Variants in SH3BP4 observed in about 807,000 individuals in gnomAD.
SH3BP4 encodes SH3 domain-binding protein 4.
SH3BP4 carries 33 observed loss-of-function variants against 65.5 expected under a neutral mutation model. The observed-to-expected ratio is 0.50, with a 90% CI of 0.38 to 0.67. The LOEUF (loss-of-function observed/expected upper bound fraction) is 0.67, where lower values mean the gene tolerates loss of function less well. Among genes scored for constraint, SH3BP4 ranks in the 30% least tolerant of loss-of-function variants. SH3BP4 has a pLI of 0.00. For synonymous variants in SH3BP4, 552 were observed against 545.5 expected, an observed-to-expected ratio of 1.01 and a Z score of -0.17; for missense variants, 1,134 against 1,261.4, an observed-to-expected ratio of 0.90 and a Z score of 1.53.
rs544503885 is a variant in SH3BP4, at chr2:235,041,852, C to T, written c.1083C>T (p.Asp361=). 6.8e-6 allele frequency: 11 copies of T among 1,605,882 alleles called. 1 individual carries two copies. In the South Asian group the frequency reaches 8.9e-5, roughly 13 times the overall value. The change falls in exon 4 of 6, where the codon GAC becomes GAT. Residue 361 remains aspartate, a synonymous_variant. Coordinates refer to ENST00000392011, the MANE Select transcript of SH3BP4 (RefSeq NM_014521.3). This position sits in a 1 kb window ranked among gnomAD's most constrained non-coding sequence, Gnocchi z 6.0. The stretch of plus-strand genomic sequence containing the variant: ...AGATCTCCATGAAAGCCCTGCTGGA[C>T]CCCCCGCTGGAGCTCAACAGTGACA... ...TQQISMKALL[D]PPLELNSDRS...
At chr2:234,956,534 C>T (rs1388370859) in intron 1 of SH3BP4, among the ~76,000 whole-genome samples, 2 of 150,842 alleles carry the variant, frequency 1.3e-5, no homozygotes, top group Non-Finnish European at 2.9e-5. Context: ...ATTAAATCTG[C>T]ATAACTGAGG....
rs375447051 is a variant in SH3BP4 at position 235,021,955 on chromosome 2, C to G, written c.-132-12916C>G. On this transcript the variant is annotated intron_variant, in intron 2 of 5. Transcript: ENST00000392011. ...CTAGTTAATTTTGTAACATCCCTCC[C>G]CGAGAAGCAAAATAAATTCTTTGTA... 3.3e-5 allele frequency among the ~76,000 whole-genome samples: 5 copies of G among 152,158 alleles called. No homozygotes were observed. The East Asian group carries it at 7.7e-4, about 24-fold the overall frequency.
At chr2:235,009,218 C>T (rs1353494785) in intron 2 of SH3BP4, among the ~76,000 whole-genome samples, 1 of 152,192 alleles carries the variant, frequency 6.6e-6, no homozygotes, top group Non-Finnish European at 1.5e-5. Context: ...TGCTGCCCAG[C>T]TCCCCTCTGA....
intron 2 of SH3BP4, among the ~76,000 whole-genome samples, chr2:235,012,316 C>T (rs938065724): frequency 1.5e-4 from 23 of 152,228 alleles, no homozygotes; most frequent in Non-Finnish European, 1.5e-5. Context: ...GTCTTCACCC[C>T]ACAGACAGGT....
At chr2:235,028,586 C>T (rs545758465) in intron 2 of SH3BP4, among the ~76,000 whole-genome samples, 2 of 152,296 alleles carry the variant, frequency 1.3e-5, no homozygotes, top group Admixed American at 6.5e-5. Flanking sequence ...GTTTGAGAGC[C>T]AACCATGCAC....
intron 2 of SH3BP4, among the ~76,000 whole-genome samples, chr2:235,023,496 G>A (rs1330605275): frequency 2.0e-5 from 3 of 152,100 alleles, no homozygotes; most frequent in Admixed American, 6.5e-5. Flanking sequence ...GCAGTGAGCC[G>A]AGATCGCATC....
chr2:235,039,051 T>TA (rs1319612000), intron 3 of SH3BP4, among the ~76,000 whole-genome samples: 2 of 152,164 alleles, frequency 1.3e-5, no homozygotes, highest in Non-Finnish European at 2.9e-5. Context: ...ATTGAGGAAA[T>TA]ACACTTTTTG....
At chr2:235,005,287 G>T (rs948800763) in intron 2 of SH3BP4, among the ~76,000 whole-genome samples, 1 of 152,092 alleles carries the variant, frequency 6.6e-6, no homozygotes, top group Admixed American at 6.5e-5. Context: ...GTCTGAATTG[G>T]CTGTACCCCA....
At chr2:234,984,454 C>T (rs1385823964) in intron 1 of SH3BP4, among the ~76,000 whole-genome samples, 1 of 152,092 alleles carries the variant, frequency 6.6e-6, no homozygotes, top group Admixed American at 6.5e-5. Context: ...AGCAATCCCC[C>T]TGCTTTGGCT....
chr2:235,016,017 A>G (rs533216210), intron 2 of SH3BP4, among the ~76,000 whole-genome samples: 1 of 151,864 alleles, frequency 6.6e-6, no homozygotes, highest in East Asian at 1.9e-4. Context: ...TGGGGGACAC[A>G]CATTTGGCTG....
rs1559232896 is a variant in SH3BP4, at chr2:234,986,092, T to TCA, written c.-206-9211_-206-9210insCA. ...GGTCCATGTGCAGGTGAACCAGCCC[T>TCA]TGACACAAACCTATGAGCTCAGGGT... On this transcript the variant is annotated intron_variant, in intron 1 of 5. Transcript: ENST00000392011. 1.8e-3 allele frequency among the ~76,000 whole-genome samples: 264 copies of TCA among 149,790 alleles called. 1 individual carries two copies. The highest frequency in any genetic ancestry group is 5.8e-3 in the African/African-American group (231 of 39,492).
chr2:235,023,273 A>G (rs1232087141), intron 2 of SH3BP4, among the ~76,000 whole-genome samples: 1 of 152,190 alleles, frequency 6.6e-6, no homozygotes, highest in Non-Finnish European at 1.5e-5. Context: ...CAGGCTGGGC[A>G]CGGTGGCTCA....
At position 235,046,022 on chromosome 2, in the gene SH3BP4, G is replaced by T. The variant is rs868371404; in HGVS notation, c.2478+2775G>T. Among the ~76,000 whole-genome samples the T allele has an allele frequency of 6.6e-6, 1 of 152,308 alleles. No homozygotes were observed. The highest frequency in any genetic ancestry group is 2.1e-4 in the South Asian group (1 of 4,824). On this transcript the variant is annotated intron_variant, in intron 4 of 5. Transcript: ENST00000392011. This position sits in a 1 kb window ranked among gnomAD's most constrained non-coding sequence, Gnocchi z 4.2. ...GCCTTTGCCCCTGCCCCACAAAGTC[G>T]TGTAAGATCTGGCCCTACCCATCCC...
intron 3 of SH3BP4, among the ~76,000 whole-genome samples, chr2:235,038,336 A>AT (rs1553567391): frequency 4.2e-4 from 1 of 2,406 alleles, no homozygotes; most frequent in East Asian, 0.014. Context: ...TATATTATAT[A>AT]TAGTATATAT....
intron 1 of SH3BP4, among the ~76,000 whole-genome samples, chr2:234,966,736 A>C (rs913707320): frequency 6.6e-6 from 1 of 152,212 alleles, no homozygotes; most frequent in African/African-American, 2.4e-5. Flanking sequence ...TGACTCTCTA[A>C]TATTCCTTTG....
At chr2:235,051,573 G>A (rs10179305) in intron 4 of SH3BP4, among the ~76,000 whole-genome samples, 23,596 of 152,084 alleles carry the variant, frequency 0.16, 1,979 homozygotes, top group African/African-American at 0.23. Context: ...AGTTCTTGCA[G>A]CTTTGACGTG....
intron 3 of SH3BP4, among the ~76,000 whole-genome samples, chr2:235,038,294 A>AT (rs1695473343): frequency 7.9e-5 from 1 of 12,678 alleles, no homozygotes; most frequent in African/African-American, 1.3e-3. Flanking sequence ...TATATAATAT[A>AT]TATATTATAT....
At chr2:235,022,514 C>G (rs1694875010) in intron 2 of SH3BP4, among the ~76,000 whole-genome samples, 1 of 151,818 alleles carries the variant, frequency 6.6e-6, no homozygotes, top group South Asian at 2.1e-4. Flanking sequence ...GAGCGAGACT[C>G]TGTCTCCAAA....
chr2:235,014,244 C>T (rs1039537897), intron 2 of SH3BP4, among the ~76,000 whole-genome samples: 4 of 152,148 alleles, frequency 2.6e-5, no homozygotes, highest in African/African-American at 7.2e-5. Flanking sequence ...CGGGCGATGC[C>T]GGATACTTTG....
Sources: allele counts gnomAD v4.1 joint callset (sites outside exome capture counted in the v4.1 genomes callset), GRCh38; gene constraint gnomAD v4.1.1; non-coding constraint Gnocchi (gnomAD v3.1); transcripts MANE v1.5; gene names NCBI Gene and HGNC (gene_info 2026-07-23, HGNC 2026-07-21).